The following PLCG2 variants were observed in gnomAD, a reference collection of about 807,000 sequenced individuals.
PLCG2 encodes the protein 1-phosphatidylinositol 4,5-bisphosphate phosphodiesterase gamma-2.
PLCG2 carries 69 observed loss-of-function variants against 175.6 expected under a neutral mutation model. That is an observed-to-expected ratio of 0.39 (90% CI 0.32 to 0.48). The LOEUF (loss-of-function observed/expected upper bound fraction) is 0.48. Among genes scored for constraint, PLCG2 ranks in the 20% least tolerant of loss-of-function variants. The pLI is 0.91. For synonymous variants in PLCG2, 827 were observed against 624.0 expected, an observed-to-expected ratio of 1.33 and a Z score of -4.85; for missense variants, 1,798 against 1,650.9, an observed-to-expected ratio of 1.09 and a Z score of -1.54.
intron 5 of PLCG2, among the ~76,000 whole-genome samples, chr16:81,865,224 C>T (rs572280292): frequency 1.3e-5 from 2 of 152,200 alleles, no homozygotes; most frequent in Non-Finnish European, 1.5e-5. Context: ...GGGCTTTGAC[C>T]TGGGCGAGGC....
rs74029249 is a variant in PLCG2 at position 81,842,498 on chromosome 16, G to A, written c.194-11946G>A. On this transcript the variant is annotated intron_variant, in intron 2 of 32. Transcript: ENST00000564138. ...CTGGTTGACTGAATAACTGAAAGTC[G>A]GAAAAGAGGTTGGGGTATGTGTGGG... is the stretch of plus-strand genomic sequence containing the variant. Among the ~76,000 whole-genome samples, 1,090 of 152,250 alleles carry A rather than the reference G, an allele frequency of 7.2e-3. 13 individuals are homozygous for A. Among genetic ancestry groups the A allele is most frequent in the Middle Eastern group, 0.024 (7 of 294 alleles).
intron 2 of PLCG2, among the ~76,000 whole-genome samples, chr16:81,797,282 A>G (rs200800971): frequency 9.9e-6 from 1 of 101,022 alleles, no homozygotes; most frequent in Non-Finnish European, 2.2e-5. Flanking sequence ...ATCATTTTTG[A>G]AAAAAAAAAA....
At chr16:81,895,630 G>T in intron 12 of PLCG2, 177 bp from the exon 13 acceptor site, 1 of 609,572 alleles carries the variant, frequency 1.6e-6, no homozygotes, top group Non-Finnish European at 2.9e-6. Context: ...CTTGCATTAT[G>T]TAAGCGCACA....
chr16:81,845,329 C>T (rs750303809), intron 2 of PLCG2, among the ~76,000 whole-genome samples: 1 of 152,086 alleles, frequency 6.6e-6, no homozygotes, highest in Non-Finnish European at 1.5e-5. Context: ...TTTTTTTTCC[C>T]CTACATTTTT....
At chr16:81,904,100 G>T (rs1909263865) in intron 14 of PLCG2, among the ~76,000 whole-genome samples, 1 of 152,186 alleles carries the variant, frequency 6.6e-6, no homozygotes, top group South Asian at 2.1e-4. Flanking sequence ...AGTATTTGCT[G>T]AGGAAATTAT....
intron 5 of PLCG2, among the ~76,000 whole-genome samples, chr16:81,863,739 C>A (rs1907094899): frequency 6.6e-6 from 1 of 152,250 alleles, no homozygotes; most frequent in Non-Finnish European, 1.5e-5. Context: ...TCCTTTCCCT[C>A]CTCTGCCCTT....
At chr16:81,956,928 C>T (rs201778389) in intron 32 of PLCG2, 49 bp downstream of exon 32, 57 of 1,496,192 alleles carry the variant, frequency 3.8e-5, no homozygotes, top group East Asian at 2.3e-4. Context: ...TCTCTAGGCA[C>T]GGTGATGATG....
intron 1 of PLCG2, among the ~76,000 whole-genome samples, chr16:81,743,811 T>A (rs1909647373): frequency 1.3e-5 from 2 of 152,186 alleles, no homozygotes; most frequent in Admixed American, 6.5e-5. Context: ...CAGCTGTGAC[T>A]GTGGCCCTTG....
At chr16:81,907,218 G>A (rs750938945) in intron 15 of PLCG2, among the ~76,000 whole-genome samples, 8 of 151,652 alleles carry the variant, frequency 5.3e-5, no homozygotes, top group South Asian at 2.1e-4. Flanking sequence ...TCACATTAAC[G>A]TCATGCATGA....
At chr16:81,774,312 T>C (rs944690473), upstream of PLCG2, among the ~76,000 whole-genome samples, 5 of 149,562 alleles carry the variant, frequency 3.3e-5, no homozygotes, top group Non-Finnish European at 5.9e-5. Flanking sequence ...ATCCAACCAC[T>C]GCACTCCAGC....
At chr16:81,883,399 A>T in intron 9 of PLCG2, 58 bp downstream of exon 9, 4 of 1,413,570 alleles carry the variant, frequency 2.8e-6, no homozygotes, top group Non-Finnish European at 4.0e-6. Context: ...GCTGGGGACT[A>T]GTCTCACCCT....
upstream of PLCG2, among the ~76,000 whole-genome samples, chr16:81,778,019 A>G (rs1335065538): frequency 3.0e-5 from 2 of 67,324 alleles, no homozygotes; most frequent in African/African-American, 1.6e-4. Context: ...TTTGTCTCAA[A>G]AAAAAAAAAA....
chr16:81,930,423 A>G (rs1479797647), intron 24 of PLCG2, among the ~76,000 whole-genome samples: 1 of 152,102 alleles, frequency 6.6e-6, no homozygotes, highest in African/African-American at 2.4e-5. Flanking sequence ...TTGCCTGCAC[A>G]TGGCTTTCTC....
chr16:81,881,020 C>A, intron 8 of PLCG2, 67 bp downstream of exon 8: 1 of 1,504,238 alleles, frequency 6.6e-7, no homozygotes, highest in Non-Finnish European at 9.3e-7. Flanking sequence ...GCCCAGCCGG[C>A]CTCCAGGAGG....
intron 2 of PLCG2, among the ~76,000 whole-genome samples, chr16:81,843,773 C>T (rs922722630): frequency 6.6e-6 from 1 of 152,150 alleles, no homozygotes; most frequent in East Asian, 1.9e-4. Flanking sequence ...AAATTGGACC[C>T]TGGTTGGTAG....
At chr16:81,909,884 C>T (rs1054612714) in intron 17 of PLCG2, among the ~76,000 whole-genome samples, 1 of 152,024 alleles carries the variant, frequency 6.6e-6, no homozygotes, top group Non-Finnish European at 1.5e-5. Context: ...GGTAGTAATA[C>T]AGTGTGGCTC....
chr16:81,956,710 C>T lies in PLCG2; in HGVS notation c.3586C>T (p.Leu1196Phe), dbSNP rs1338237295. The T allele has an allele frequency of 6.2e-7, 1 of 1,613,878 alleles. No homozygotes were observed. Among genetic ancestry groups the T allele is most frequent in the African/African-American group, 1.3e-5 (1 of 74,924 alleles). The change falls in exon 32 of 33, where the codon CTT becomes TTT. Residue 1196 changes from leucine (L) to phenylalanine (F), a missense_variant. Leu to Phe is a conservative substitution (Grantham distance 22). Coordinates refer to ENST00000564138, the MANE Select transcript of PLCG2 (RefSeq NM_002661.5). ...CATCCTCCAGGAGAGCGAAGAGGAA[C>T]TTTACTCCTCCTGTCGCCAGCTGAG... Reference protein sequence around the residue: ...MRPVLESEEELYSSCRQLRRR... With the variant: ...MRPVLESEEEFYSSCRQLRRR...
At chr16:81,877,350 G>A (rs1458840218) in intron 7 of PLCG2, among the ~76,000 whole-genome samples, 1 of 152,188 alleles carries the variant, frequency 6.6e-6, no homozygotes, top group Non-Finnish European at 1.5e-5. Context: ...CAGCTACTTG[G>A]GAGGCTGAGG....
In PLCG2 at chr16:81,937,869, C is replaced by T; in HGVS notation, c.3164C>T (p.Ser1055Phe). ...AAATATGACCCGATGCCACCCGAGT[C>T]CCAGAGGAAGATCCTGATGACGCTG... ...TEKYDPMPPE[S>F]QRKILMTLTV... Residue 1055 changes from serine (S) to phenylalanine (F), a missense_variant, in exon 28 of 33, where the codon TCC (serine) becomes TTC (phenylalanine). Coordinates refer to ENST00000564138, the MANE Select transcript of PLCG2 (RefSeq NM_002661.5). The T allele has an allele frequency of 6.2e-7, 1 of 1,614,084 alleles. No homozygotes were observed. The highest frequency in any genetic ancestry group is 1.3e-5 in the African/African-American group (1 of 75,038).
Sources: gnomAD v4.1 joint callset for allele counts (sites outside exome capture counted in the v4.1 genomes callset) on GRCh38, gnomAD v4.1.1 for gene constraint, MANE v1.5 for transcripts, NCBI Gene and HGNC (gene_info 2026-07-23, HGNC 2026-07-21) for gene names.